TGFB2: variants seen among roughly 807,000 people sequenced by gnomAD.
The protein encoded by TGFB2 is transforming growth factor beta 2.
Under a neutral mutation model 42.7 loss-of-function variants are expected in TGFB2, and 13 were observed. That is an observed-to-expected ratio of 0.30 (90% confidence interval 0.20 to 0.48). TGFB2 has a LOEUF of 0.48. Among genes scored for constraint, TGFB2 ranks in the 20% least tolerant of loss-of-function variants. TGFB2 has a pLI of 0.99. For synonymous variants in TGFB2, 193 were observed against 193.6 expected, an observed-to-expected ratio of 1.00 and a Z score of 0.03; for missense variants, 390 against 517.5, an observed-to-expected ratio of 0.75 and a Z score of 2.39.
chr1:218,358,971 T>C (rs1657127858), intron 1 of TGFB2, among the ~76,000 whole-genome samples: 1 of 151,872 alleles, frequency 6.6e-6, no homozygotes, highest in Non-Finnish European at 1.5e-5. Context: ...GGATGGGTGG[T>C]TTGGTCAAGG....
At chr1:218,407,588 G>A (rs1042456959) in intron 2 of TGFB2, among the ~76,000 whole-genome samples, 42 of 152,264 alleles carry the variant, frequency 2.8e-4, no homozygotes, top group Non-Finnish European at 5.3e-4. Flanking sequence ...CAGAAGTATT[G>A]TTTCCAATGA....
chr1:218,390,754 A>G (rs773447939), intron 1 of TGFB2, among the ~76,000 whole-genome samples: 17 of 152,220 alleles, frequency 1.1e-4, no homozygotes, highest in Non-Finnish European at 2.1e-4. Flanking sequence ...TAAAACAAGC[A>G]TAACACCCTT....
chr1:218,404,980 G>C (rs1380176770), intron 1 of TGFB2, among the ~76,000 whole-genome samples, 189 bp from the exon 2 acceptor site: 2 of 152,144 alleles, frequency 1.3e-5, no homozygotes, highest in East Asian at 3.9e-4. Flanking sequence ...TGCTACTCCT[G>C]TAACTAAATG....
intron 2 of TGFB2, among the ~76,000 whole-genome samples, chr1:218,428,801 T>A (rs957304420): frequency 1.1e-4 from 17 of 152,102 alleles, no homozygotes; most frequent in African/African-American, 3.6e-4. Context: ...TTGGCTTAGG[T>A]TTGTCTTGGC....
At chr1:218,411,394 T>C (rs962299610) in intron 2 of TGFB2, among the ~76,000 whole-genome samples, 2 of 152,180 alleles carry the variant, frequency 1.3e-5, no homozygotes, top group African/African-American at 4.8e-5. Context: ...GGAGGATTGA[T>C]GATGGCTTTG....
intron 1 of TGFB2, among the ~76,000 whole-genome samples, chr1:218,402,913 T>C (rs1199637894): frequency 6.6e-6 from 1 of 152,268 alleles, no homozygotes; most frequent in African/African-American, 2.4e-5. Flanking sequence ...CAGACTGGCC[T>C]AGGCTTCTCT....
intron 1 of TGFB2, among the ~76,000 whole-genome samples, chr1:218,391,421 A>G (rs1658312968): frequency 6.6e-6 from 1 of 152,214 alleles, no homozygotes; most frequent in African/African-American, 2.4e-5. Context: ...CTCAGAAGGA[A>G]TAAGTTCTAG....
rs552737743 is a variant in TGFB2 at position 218,345,591 on chromosome 1, G to A, written c.-1111G>A. ...GAGAGGATCTATTTTAGGGTGGCAAGTGCCTACCTACCCTAAGCGAGCAAT... is the reference window on the plus strand; with the variant it reads ...GAGAGGATCTATTTTAGGGTGGCAAATGCCTACCTACCCTAAGCGAGCAAT... On this transcript the variant is annotated 5_prime_UTR_variant, in exon 1 of 7. It adds an upstream start codon to the 5' untranslated region. Transcript: ENST00000366930. The A allele has an allele frequency of 6.5e-6, 1 of 152,876 alleles. No individual in the cohort carries two copies. The highest frequency in any genetic ancestry group is 2.1e-4 in the South Asian group (1 of 4,834). 9.5% of individuals were successfully genotyped at this position (152,876 alleles called of 1,614,324 possible).
At chr1:218,353,786 C>T (rs900818760) in intron 1 of TGFB2, among the ~76,000 whole-genome samples, 5 of 152,136 alleles carry the variant, frequency 3.3e-5, no homozygotes, top group East Asian at 1.9e-4. Flanking sequence ...GCTACTTGGG[C>T]GGCTGAAGCA....
intron 1 of TGFB2, among the ~76,000 whole-genome samples, chr1:218,390,880 G>A (rs1658298039): frequency 6.6e-6 from 1 of 152,182 alleles, no homozygotes; most frequent in African/African-American, 2.4e-5. Context: ...GATGAGGGAA[G>A]AGTGCACACC....
chr1:218,407,950 A>G (rs1658967464), intron 2 of TGFB2, among the ~76,000 whole-genome samples: 1 of 152,250 alleles, frequency 6.6e-6, no homozygotes, highest in South Asian at 2.1e-4. Context: ...GGGTAGCCAG[A>G]TAAATTACAA....
intron 1 of TGFB2, among the ~76,000 whole-genome samples, chr1:218,362,761 T>C (rs1315560825): frequency 6.6e-6 from 1 of 152,222 alleles, no homozygotes; most frequent in Non-Finnish European, 1.5e-5. Context: ...GTAATAACTA[T>C]TGTGGAAGAT....
rs926782062 is a variant in TGFB2, at chr1:218,441,963, A to G, written c.*601A>G. Reference sequence around the variant, plus strand: ...AGGAACTTGAACTCAAACGAGCCAGAAAAAAAGAGGTCATATTAATGGGAT... The same window carrying G: ...AGGAACTTGAACTCAAACGAGCCAGGAAAAAAGAGGTCATATTAATGGGAT... On this transcript the variant is annotated 3_prime_UTR_variant, in exon 7 of 7. Coordinates refer to ENST00000366930, the MANE Select transcript of TGFB2 (RefSeq NM_003238.6). 2.0e-5 allele frequency: 3 copies of G among 152,168 alleles called. No homozygotes were observed. Among genetic ancestry groups the G allele is most frequent in the African/African-American group, 7.2e-5 (3 of 41,434 alleles). 9.4% of individuals were successfully genotyped at this position (152,168 alleles called of 1,614,324 possible).
chr1:218,411,779 C>T (rs970459103), intron 2 of TGFB2, among the ~76,000 whole-genome samples: 3 of 150,936 alleles, frequency 2.0e-5, no homozygotes, highest in Non-Finnish European at 2.9e-5. Context: ...GCAGGAGAAT[C>T]GCTTGAACCC....
At chr1:218,378,557 T>TC (rs1657834113) in intron 1 of TGFB2, among the ~76,000 whole-genome samples, 1 of 151,126 alleles carries the variant, frequency 6.6e-6, no homozygotes, top group African/African-American at 2.4e-5. Flanking sequence ...CAAGTGCTCC[T>TC]CCCCCCTCGG....
intron 1 of TGFB2, among the ~76,000 whole-genome samples, chr1:218,348,075 G>GA (rs201348790): frequency 7.2e-6 from 1 of 139,332 alleles, no homozygotes; most frequent in East Asian, 2.1e-4. Flanking sequence ...CTTAAAAAAA[G>GA]AAAAAAAAGA....
rs994379558 is a variant in TGFB2 at position 218,443,386 on chromosome 1, G to A, written c.*2024G>A. 6.6e-6 allele frequency: 1 copy of A among 152,202 alleles called. No homozygotes were observed. Among genetic ancestry groups the A allele is most frequent in the East Asian group, 1.9e-4 (1 of 5,204 alleles). 9.4% of individuals were successfully genotyped at this position (152,202 alleles called of 1,614,324 possible). A position where few individuals can be genotyped will look rare whatever the true frequency, so the allele number is the denominator to read the frequency against. ...TAAGGAGGCGGGAATCCAAAGTGAAGTTGTTTGATATGGTCTACTTCTTTT... is the reference window on the plus strand; with the variant it reads ...TAAGGAGGCGGGAATCCAAAGTGAAATTGTTTGATATGGTCTACTTCTTTT... On this transcript the variant is annotated 3_prime_UTR_variant, in exon 7 of 7. Transcript: ENST00000366930.
intron 1 of TGFB2, among the ~76,000 whole-genome samples, chr1:218,392,587 G>A (rs1425387470): frequency 6.6e-6 from 1 of 152,144 alleles, no homozygotes; most frequent in Non-Finnish European, 1.5e-5. Context: ...GAAGGGTTCT[G>A]AGAGAAACTG....
rs947730996 is a variant in TGFB2 at position 218,442,133 on chromosome 1, T to C, written c.*771T>C. The C allele has an allele frequency of 6.6e-6, 1 of 152,002 alleles. No individual in the cohort carries two copies. The highest frequency in any genetic ancestry group is 2.4e-5 in the African/African-American group (1 of 41,370). The allele number at this position is 152,002 out of a possible 1,614,324, so 9.4% of individuals were successfully genotyped here. A position where few individuals can be genotyped will look rare whatever the true frequency, so the allele number is the denominator to read the frequency against. ...GACTGTTAATAAAAGAAACTTTCAG[T>C]CAGAATAAGTCTGTAAGTTTTTTTT... On this transcript the variant is annotated 3_prime_UTR_variant, in exon 7 of 7. Coordinates refer to ENST00000366930, the MANE Select transcript of TGFB2 (RefSeq NM_003238.6).
Sources: gnomAD v4.1 joint callset for allele counts (sites outside exome capture counted in the v4.1 genomes callset) on GRCh38, gnomAD v4.1.1 for gene constraint, MANE v1.5 for transcripts, NCBI Gene and HGNC (gene_info 2026-07-23, HGNC 2026-07-21) for gene names.